Variants in TFR2 observed in about 807,000 individuals in gnomAD.
TFR2 encodes the protein transferrin receptor 2.
TFR2 carries 64 observed loss-of-function variants against 91.9 expected under a neutral mutation model. That is an observed-to-expected ratio of 0.70 (90% CI 0.57 to 0.86). TFR2 has a LOEUF of 0.86. Among genes scored for constraint, TFR2 ranks in the 40% least tolerant of loss-of-function variants. The pLI, the probability that TFR2 is intolerant of heterozygous loss-of-function variation, is 0.00. For missense variants in TFR2, 950 were observed against 1,080.5 expected (o/e 0.88, Z 1.69); for synonymous variants, 454 against 459.6 (o/e 0.99, Z 0.15).
intron 3 of TFR2, 184 bp downstream of exon 3, chr7:100,640,502 A>G: frequency 1.5e-6 from 1 of 667,658 alleles, no homozygotes; most frequent in South Asian, 1.9e-5. Context: ...GTCCCCTGGA[A>G]CCTCAGCTCC....
At chr7:100,630,456 A>G (rs948772266) in intron 9 of TFR2, among the ~76,000 whole-genome samples, 6 of 151,890 alleles carry the variant, frequency 4.0e-5, no homozygotes, top group African/African-American at 1.5e-4. Flanking sequence ...GGCCCAGCTA[A>G]TGTTTGTATT....
chr7:100,633,176 C>T, intron 5 of TFR2, 53 bp from the exon 6 acceptor site: 1 of 1,612,908 alleles, frequency 6.2e-7, no homozygotes, highest in Non-Finnish European at 8.5e-7. Context: ...CTTCGAGACC[C>T]AGGAAAGGGC....
rs114590691 is a variant in TFR2, at chr7:100,637,518, C to T, written c.473+3168G>A. Among the ~76,000 whole-genome samples, 468 of 152,202 alleles carry T rather than the reference C, an allele frequency of 3.1e-3. 2 individuals are homozygous for T. Among genetic ancestry groups the T allele is most frequent in the African/African-American group, 0.01 (427 of 41,530 alleles). On this transcript the variant is annotated intron_variant, in intron 3 of 17. Transcript: ENST00000223051. ...CTGAGGCACAAAAATCACCTGAAGC[C>T]GGGAGGCGGAGGTTACAGTGAGCTA...
At chr7:100,630,597 G>C (rs1334880039) in intron 9 of TFR2, among the ~76,000 whole-genome samples, 1 of 152,184 alleles carries the variant, frequency 6.6e-6, no homozygotes, top group Admixed American at 6.5e-5. Context: ...GCCCATGCTT[G>C]AGTTTCTATT....
At chr7:100,633,784 C>A in intron 3 of TFR2, 1 of 638,096 alleles carries the variant, frequency 1.6e-6, no homozygotes, top group Non-Finnish European at 2.4e-6. Context: ...TCTCGGCTCT[C>A]TGCAACTTCC....
At chr7:100,627,220 G>T (rs1186548202) in intron 16 of TFR2, 44 bp downstream of exon 16, 4 of 1,538,968 alleles carry the variant, frequency 2.6e-6, no homozygotes, top group Non-Finnish European at 3.5e-6. Flanking sequence ...CCTGGGCAGT[G>T]CCTCCCACTC....
At chr7:100,632,790 T>G in intron 6 of TFR2, 1 of 607,150 alleles carries the variant, frequency 1.6e-6, no homozygotes. Context: ...CGTGTTGCCT[T>G]GAATTCCTGG....
chr7:100,629,423 G>T, intron 9 of TFR2, 51 bp from the exon 10 acceptor site: 3 of 1,609,520 alleles, frequency 1.9e-6, no homozygotes, highest in South Asian at 1.1e-5. Context: ...CCTGCACCCT[G>T]GGGGCATCCT....
chr7:100,631,174 T>C (rs1304640274), intron 8 of TFR2, 122 bp from the exon 9 acceptor site: 3 of 1,190,730 alleles, frequency 2.5e-6, no homozygotes, highest in Non-Finnish European at 3.4e-6. Context: ...CTCTGGACGC[T>C]GCCTGGGTAG....
intron 8 of TFR2, 44 bp from the exon 9 acceptor site, chr7:100,631,096 C>T: frequency 6.8e-7 from 1 of 1,478,430 alleles, no homozygotes; most frequent in Non-Finnish European, 8.9e-7. Flanking sequence ...TAGAGAGACC[C>T]AGAAGAGTCC....
Position 100,631,021 on chromosome 7 carries a change from A to G in TFR2, c.1138T>C (p.Trp380Arg), listed in dbSNP as rs781371035. The G allele has an allele frequency of 6.3e-7, 1 of 1,596,860 alleles. No homozygotes were observed. The highest frequency in any genetic ancestry group is 8.5e-7 in the Non-Finnish European group (1 of 1,173,548). Residue 380 changes from tryptophan (W) to arginine (R), a missense_variant, in exon 9 of 18, where the codon TGG becomes CGG. Coordinates refer to ENST00000223051, the MANE Select transcript of TFR2 (RefSeq NM_003227.4). ...GGGGAGCCTAGGAGGCTCCCCTGCCATTCTTGGGGGGCCACAGGGCCTTTG... is the reference window on the plus strand; with the variant it reads ...GGGGAGCCTAGGAGGCTCCCCTGCCGTTCTTGGGGGGCCACAGGGCCTTTG... ...KLKGPVAPQE[W>R]QGSLLGSPYH... is the part of the protein sequence containing the mutation.
At chr7:100,632,014 C>T in intron 7 of TFR2, 68 bp downstream of exon 7, 1 of 1,614,094 alleles carries the variant, frequency 6.2e-7, no homozygotes, top group Non-Finnish European at 8.5e-7. Context: ...AACATGCCAG[C>T]CCTATTCTGA....
intron 3 of TFR2, 50 bp from the exon 4 acceptor site, chr7:100,633,606 G>T: frequency 6.4e-7 from 1 of 1,564,444 alleles, no homozygotes; most frequent in Non-Finnish European, 8.6e-7. Context: ...GGAGAGGGAG[G>T]GAAGAGGGAA....
At chr7:100,622,285 G>C (rs952324419) in intron 17 of TFR2, among the ~76,000 whole-genome samples, 7 of 152,298 alleles carry the variant, frequency 4.6e-5, no homozygotes, top group Admixed American at 3.3e-4. Flanking sequence ...TGTGGGGACA[G>C]ATGCCAAATC....
intron 17 of TFR2, among the ~76,000 whole-genome samples, chr7:100,626,242 G>A (rs1170648403): frequency 6.6e-6 from 1 of 152,136 alleles, no homozygotes; most frequent in Admixed American, 6.6e-5. Context: ...TAAGCAGAAG[G>A]GATTGGTGAG....
At chr7:100,626,649 G>A (rs1803257808) in intron 17 of TFR2, 114 bp downstream of exon 17, 1 of 1,495,664 alleles carries the variant, frequency 6.7e-7, no homozygotes, top group Non-Finnish European at 8.9e-7. Context: ...CCAGAGGACC[G>A]GGACTGTGTA....
In TFR2 at chr7:100,633,067, G is replaced by C. The variant is rs769094432; in HGVS notation, c.783C>G (p.Ala261=). ...GRPEDLQDLR[A]RGVDPVGRLL... Reference sequence around the variant, plus strand: ...GGCGGCCCACTGGATCCACGCCCCTGGCCCGCAGGTCCTGCAGGTCTTCGG... The same window carrying C: ...GGCGGCCCACTGGATCCACGCCCCTCGCCCGCAGGTCCTGCAGGTCTTCGG... The change falls in exon 6 of 18, where the codon GCC becomes GCG. Residue 261 remains alanine, a synonymous_variant. Transcript: ENST00000223051. The C allele has an allele frequency of 6.2e-7, 1 of 1,613,580 alleles. No homozygotes were observed. The highest frequency in any genetic ancestry group is 1.3e-5 in the African/African-American group (1 of 75,032).
intron 17 of TFR2, among the ~76,000 whole-genome samples, chr7:100,622,035 C>A (rs538174258): frequency 6.6e-6 from 1 of 152,248 alleles, no homozygotes; most frequent in African/African-American, 2.4e-5. Flanking sequence ...ATGCTCACAT[C>A]TTTTATTTTT....
rs368267022 is a variant in TFR2 at position 100,632,061 on chromosome 7, G to A, written c.966+21C>T. 130 of 1,613,864 alleles carry A rather than the reference G, an allele frequency of 8.1e-5. No individual in the cohort carries two copies. In the African/African-American group the frequency reaches 1.3e-3, roughly 16 times the overall value. On this transcript the variant is annotated intron_variant, in intron 7 of 17. Coordinates refer to ENST00000223051, the MANE Select transcript of TFR2 (RefSeq NM_003227.4). ...TGGCCTCGGGACCTGGGAACAGCACGACCAGCCTCCCCAGACTCACATGTC... is the reference window on the plus strand; with the variant it reads ...TGGCCTCGGGACCTGGGAACAGCACAACCAGCCTCCCCAGACTCACATGTC...
Sources: gnomAD v4.1 joint callset for allele counts (sites outside exome capture counted in the v4.1 genomes callset) on GRCh38, gnomAD v4.1.1 for gene constraint, MANE v1.5 for transcripts, NCBI Gene and HGNC (gene_info 2026-07-23, HGNC 2026-07-21) for gene names.